The following PKD1 variants were observed in gnomAD, a reference collection of about 807,000 sequenced individuals.
PKD1 encodes the protein polycystin 1, transient receptor potential channel interacting, also known as polycystin-1.
Under a neutral mutation model 361.7 loss-of-function variants are expected in PKD1, and 81 were observed. The observed-to-expected ratio is 0.22, with a 90% CI of 0.19 to 0.27. The LOEUF is 0.27. PKD1 is among the 10% of genes least tolerant of loss of function. The pLI, the probability that PKD1 is intolerant of heterozygous loss-of-function variation, is 1.00. For missense variants in PKD1, 6,399 were observed against 6,118.3 expected, an observed-to-expected ratio of 1.05 and a Z score of -1.53; for synonymous variants, 3,615 against 2,818.3, an observed-to-expected ratio of 1.28 and a Z score of -8.95.
At position 2,106,268 on chromosome 16, in the gene PKD1, A is replaced by G. The variant is rs1349679632; in HGVS notation, c.7526T>C (p.Val2509Ala). 1.2e-6 allele frequency: 2 copies of G among 1,610,080 alleles called. No homozygotes were observed. The highest frequency in any genetic ancestry group is 2.2e-5 in the East Asian group (1 of 44,862). ...HDAEDAGAPL[V>A]YALLLRRCRQ... The stretch of plus-strand genomic sequence containing the variant: ...ACAGCGCCGCAGCAGCAGGGCGTAC[A>G]CCAGCGGGGCGCCAGCATCCTCCGC... The change falls in exon 19 of 46, where the codon GTG becomes GCG. Residue 2509 changes from valine to alanine, a missense_variant. Physicochemically the swap from Val to Ala is moderately conservative, Grantham distance 64. Coordinates refer to ENST00000262304, the MANE Select transcript of PKD1 (RefSeq NM_001009944.3). This position sits in a 1 kb window ranked among gnomAD's most constrained non-coding sequence, Gnocchi z 6.5.
chr16:2,093,154 TG>T, intron 37 of PKD1, 61 bp from the exon 38 acceptor site: 1 of 1,590,584 alleles, frequency 6.3e-7, no homozygotes, highest in Non-Finnish European at 8.6e-7. Context: ...AGCAGGGCTT[TG>T]GCAACGGCTG....
Position 2,090,327 on chromosome 16 carries a change from C to T in PKD1, c.12402G>A (p.Leu4134=), listed in dbSNP as rs1596473212. The change falls in exon 45 of 46, where the codon CTG becomes CTA. Residue 4134 remains leucine, a synonymous_variant. Transcript: ENST00000262304. Reference sequence around the variant, plus strand: ...GGCCCATCCAGAGGCGCAGCCTGCGCAGGAACAACTCCACCATCTCGTAGT... The same window carrying T: ...GGCCCATCCAGAGGCGCAGCCTGCGTAGGAACAACTCCACCATCTCGTAGT... ...PQDYEMVELF[L]RRLRLWMGLS... The T allele has an allele frequency of 6.2e-7, 1 of 1,612,112 alleles. No homozygotes were observed.
Position 2,111,367 on chromosome 16 carries a change from G to A in PKD1, c.3800C>T (p.Ala1267Val). ...ACCCACGGTCACTGTGCAGTTCTGT[G>A]CCCGCAGGTACACATGCTCCACTGT... ...EATVEHVYLR[A>V]QNCTVTVGAA... Residue 1267 changes from alanine to valine, a missense_variant, in exon 15 of 46, where the codon GCA (alanine) becomes GTA (valine). Physicochemically the swap from Ala to Val is moderately conservative, Grantham distance 64. Coordinates refer to ENST00000262304, the MANE Select transcript of PKD1 (RefSeq NM_001009944.3). 2 of 1,610,816 alleles carry A rather than the reference G, an allele frequency of 1.2e-6. No homozygotes were observed. Among genetic ancestry groups the A allele is most frequent in the Non-Finnish European group, 1.7e-6 (2 of 1,179,464 alleles).
chr16:2,099,755 G>A lies in PKD1; in HGVS notation c.9939C>T (p.Ser3313=), dbSNP rs1249690923. The A allele has an allele frequency of 1.9e-6, 3 of 1,556,864 alleles. No homozygotes were observed. Among genetic ancestry groups the A allele is most frequent in the Non-Finnish European group, 2.6e-6 (3 of 1,150,842 alleles). Residue 3313 remains serine, a synonymous_variant, in exon 30 of 46, where the codon TCC becomes TCT. Coordinates refer to ENST00000262304, the MANE Select transcript of PKD1 (RefSeq NM_001009944.3). The part of the protein sequence containing the change: ...GDSAYSTGHV[S]RLSPLSVDTV... Reference sequence around the variant, plus strand: ...TGTCGACGCTCAGCGGGCTCAGCCTGGACACATGCCCCGTGCTGTGTGGAG... The same window carrying A: ...TGTCGACGCTCAGCGGGCTCAGCCTAGACACATGCCCCGTGCTGTGTGGAG...
chr16:2,093,139 G>A (rs371105758), intron 37 of PKD1, 46 bp from the exon 38 acceptor site: 1 of 1,607,772 alleles, frequency 6.2e-7, no homozygotes, highest in African/African-American at 1.3e-5. Context: ...CCAGCCCACA[G>A]TGACAGCAGG....
chr16:2,122,910 C>T (rs535400977), intron 1 of PKD1, among the ~76,000 whole-genome samples: 1 of 152,320 alleles, frequency 6.6e-6, no homozygotes, highest in South Asian at 2.1e-4. Flanking sequence ...GAGCAGCTCC[C>T]ACCCAGGCCA....
chr16:2,091,321 G>T, intron 42 of PKD1, 102 bp downstream of exon 42: 1 of 515,634 alleles, frequency 1.9e-6, no homozygotes, highest in Non-Finnish European at 2.5e-6. Flanking sequence ...GCTGCGAGGG[G>T]GCGGGGCGCT....
chr16:2,097,745 A>G lies in PKD1; in HGVS notation c.10203T>C (p.Phe3401=), dbSNP rs767533451. 3 of 1,611,246 alleles carry G rather than the reference A, an allele frequency of 1.9e-6. No individual in the cohort carries two copies. Among genetic ancestry groups the G allele is most frequent in the East Asian group, 2.2e-5 (1 of 44,874 alleles). The change falls in exon 32 of 46, where the codon TTT becomes TTC. Residue 3401 remains phenylalanine (F), a synonymous_variant. Coordinates refer to ENST00000262304, the MANE Select transcript of PKD1 (RefSeq NM_001009944.3). ...AFVGQMKSDL[F]LDDSKSLVCW... is the part of the protein sequence containing the mutation. ...GAACCCACCTCTTAGAATCATCCAG[A>G]AACAAGTCACTCTTCATCTGTCCAA...
In PKD1 at chr16:2,094,141, G is replaced by T. The variant is rs1567159486; in HGVS notation, c.10569C>A (p.Ser3523Arg). The stretch of plus-strand genomic sequence containing the variant: ...GGGGCTGTTCCCAGTTCAGGCCTGG[G>T]CTGGGTGGCCCCAGCTCCCCCAGCC... ...LQRLGELGPP[S>R]PGLNWEQPQA... Residue 3523 changes from serine (S) to arginine (R), a missense_variant, in exon 35 of 46, where the codon AGC becomes AGA. Transcript: ENST00000262304. 6.3e-7 allele frequency: 1 copy of T among 1,598,014 alleles called. No individual in the cohort carries two copies. Among genetic ancestry groups the T allele is most frequent in the Admixed American group, 1.7e-5 (1 of 58,166 alleles).
Position 2,089,724 on chromosome 16 carries a change from G to C in PKD1, c.*3C>G, listed in dbSNP as rs755569329. On this transcript the variant is annotated 3_prime_UTR_variant, in exon 46 of 46. Coordinates refer to ENST00000262304, the MANE Select transcript of PKD1 (RefSeq NM_001009944.3). ...CACGGCCCACCCCCGCCAGGAAGGA[G>C]GACTAAGTGCTGCTGGGGTGGACCT... 5.7e-6 allele frequency: 9 copies of C among 1,579,044 alleles called. No homozygotes were observed. In the South Asian group the frequency reaches 8.1e-5, roughly 14 times the overall value.
Position 2,089,442 on chromosome 16 carries a change from G to A in PKD1, c.*285C>T, listed in dbSNP as rs545586456. ...CAGGGGGTGGGGCCGGGCACAGCCC[G>A]CTGTACCTGAGGACTCGGGGAAATA... is the stretch of plus-strand genomic sequence containing the variant. On this transcript the variant is annotated 3_prime_UTR_variant, in exon 46 of 46. Transcript: ENST00000262304. 37 of 506,718 alleles carry A rather than the reference G, an allele frequency of 7.3e-5. No individual in the cohort carries two copies. Among genetic ancestry groups the A allele is most frequent in the African/African-American group, 5.6e-4 (29 of 51,930 alleles). The allele number at this position is 506,718 out of a possible 1,614,324, so 31.4% of individuals were successfully genotyped here. A position where few individuals can be genotyped will look rare whatever the true frequency, so the allele number is the denominator to read the frequency against.
chr16:2,124,682 C>T (rs1051980797), intron 1 of PKD1, among the ~76,000 whole-genome samples: 32 of 152,282 alleles, frequency 2.1e-4, no homozygotes, highest in African/African-American at 6.7e-4. Flanking sequence ...GTCTGGGGGC[C>T]GGACGGAGCC....
intron 1 of PKD1, among the ~76,000 whole-genome samples, chr16:2,134,102 G>A (rs2092920499): frequency 7.3e-6 from 1 of 137,826 alleles, no homozygotes; most frequent in South Asian, 2.2e-4. Flanking sequence ...CAACGGGTGG[G>A]GTAGGTCTGA....
chr16:2,090,528 A>C lies in PKD1; in HGVS notation c.12201T>G (p.Pro4067=). 1 of 1,610,454 alleles carries C rather than the reference A, an allele frequency of 6.2e-7. No individual in the cohort carries two copies. Among genetic ancestry groups the C allele is most frequent in the Non-Finnish European group, 8.5e-7 (1 of 1,179,366 alleles). Residue 4067 remains proline, a synonymous_variant, in exon 45 of 46, where the codon CCT becomes CCG. Transcript: ENST00000262304. ...SVAQALLVLC[P]GTGLSTLCPA... is the part of the protein sequence containing the mutation. ...GACACAGGGTAGAGAGCCCAGTCCC[A>C]GGGCACAGCACCAACAGGGCCTGGG...
chr16:2,111,093 C>T lies in PKD1; in HGVS notation c.4074G>A (p.Ala1358=), dbSNP rs569401671. The change falls in exon 15 of 46, where the codon GCG becomes GCA. Residue 1358 remains alanine (A), a synonymous_variant. Coordinates refer to ENST00000262304, the MANE Select transcript of PKD1 (RefSeq NM_001009944.3). The stretch of plus-strand genomic sequence containing the variant: ...TGTTCACGCGGCTGGACAGCACCAG[C>T]GCCAGGGGGAACGTGCCGCTCCGCG... The part of the protein sequence containing the change: ...NFTRSGTFPL[A]LVLSSRVNRA... 2.1e-5 allele frequency: 34 copies of T among 1,610,720 alleles called. No homozygotes were observed. Among genetic ancestry groups the T allele is most frequent in the African/African-American group, 8.0e-5 (6 of 74,992 alleles).
At chr16:2,122,404 G>T (rs772435227) in intron 1 of PKD1, among the ~76,000 whole-genome samples, 11 of 152,210 alleles carry the variant, frequency 7.2e-5, no homozygotes, top group Non-Finnish European at 1.2e-4. Flanking sequence ...CCCTCCGGCA[G>T]GGCCACCACT....
In PKD1 at chr16:2,089,457, T is replaced by A. The variant is rs1596469672; in HGVS notation, c.*270A>T. 4.5e-5 allele frequency: 24 copies of A among 537,220 alleles called. No homozygotes were observed. Among genetic ancestry groups the A allele is most frequent in the Non-Finnish European group, 8.0e-5 (24 of 299,436 alleles). The allele number at this position is 537,220 out of a possible 1,614,324, so 33.3% of individuals were successfully genotyped here. Reference sequence around the variant, plus strand: ...GGCACAGCCCGCTGTACCTGAGGACTCGGGGAAATAAATTAGCATCTCAGA... The same window carrying A: ...GGCACAGCCCGCTGTACCTGAGGACACGGGGAAATAAATTAGCATCTCAGA... On this transcript the variant is annotated 3_prime_UTR_variant, in exon 46 of 46. Transcript: ENST00000262304.
At chr16:2,096,736 C>T (rs1051422359) in intron 34 of PKD1, 4 of 204,580 alleles carry the variant, frequency 2.0e-5, no homozygotes, top group Non-Finnish European at 3.0e-5. Context: ...AGGCTGGTCT[C>T]GAACTGCTGA....
rs778276171 is a variant in PKD1 at position 2,118,098 on chromosome 16, G to A, written c.894C>T (p.Leu298=). The change falls in exon 5 of 46, where the codon CTC becomes CTT. Residue 298 remains leucine (L), a synonymous_variant. Transcript: ENST00000262304. This position sits in a 1 kb window ranked among gnomAD's most constrained non-coding sequence, Gnocchi z 6.0. ...QLAAFHIAAP[L]PVTATRWDFG... ...AGTCCCAGCGTGTGGCAGTGACAGG[G>A]AGCGGGGCAGCGATGTGGAAGGCTG... The A allele has an allele frequency of 6.2e-7, 1 of 1,606,678 alleles. No homozygotes were observed. The highest frequency in any genetic ancestry group is 8.5e-7 in the Non-Finnish European group (1 of 1,178,762).
Sources: gnomAD v4.1 joint callset for allele counts (sites outside exome capture counted in the v4.1 genomes callset) on GRCh38, gnomAD v4.1.1 for gene constraint, Gnocchi (gnomAD v3.1) non-coding constraint, MANE v1.5 for transcripts, NCBI Gene and HGNC (gene_info 2026-07-23, HGNC 2026-07-21) for gene names.